OGN: variants seen among roughly 807,000 people sequenced by gnomAD.
OGN encodes the protein mimecan.
A neutral mutation model predicts 30.8 loss-of-function variants in OGN; 19 were observed. That is an observed-to-expected ratio of 0.62 (90% CI 0.43 to 0.90). OGN has a LOEUF of 0.90. Ranked by LOEUF, OGN falls within the 40% of genes least tolerant of loss-of-function variation. The probability of loss-of-function intolerance (pLI) is 0.00; values close to 1 mark genes in which losing one functional copy is unlikely to be tolerated. For synonymous variants in OGN, 126 were observed against 128.3 expected (o/e 0.98, Z 0.12); for missense variants, 283 against 349.7 (o/e 0.81, Z 1.52).
chr9:92,398,954 C>T (rs183329671), intron 3 of OGN, among the ~76,000 whole-genome samples: 67 of 151,668 alleles, frequency 4.4e-4, no homozygotes, highest in African/African-American at 1.4e-3. Context: ...CCCAGCTACT[C>T]GGAGGCTGAA....
In OGN at chr9:92,398,544, G is replaced by GT. The variant is rs1056643997; in HGVS notation, c.268+2547dup. On this transcript the variant is annotated intron_variant, in intron 3 of 6. Transcript: ENST00000375561. ...TATTATAGATATTCTTTTGCACTTT[G>GT]TTTTTTTTTTCCACATAGTGTATCC... 1.6e-3 allele frequency among the ~76,000 whole-genome samples: 239 copies of GT among 146,210 alleles called. 3 individuals carry two copies. The highest frequency in any genetic ancestry group is 0.011 in the Middle Eastern group (3 of 282).
At chr9:92,396,375 TA>T (rs1842890359) in intron 3 of OGN, among the ~76,000 whole-genome samples, 2 of 150,980 alleles carry the variant, frequency 1.3e-5, no homozygotes, top group African/African-American at 4.9e-5. Context: ...GCTTGTTAAT[TA>T]AACAAAAAAA....
rs148427649 is a variant in OGN at position 92,398,343 on chromosome 9, T to C, written c.268+2749A>G. The stretch of plus-strand genomic sequence containing the variant: ...TTCATTTATATACGTATTTGGTTTT[T>C]TGACTATACGAAACAGCATTGTTCT... On this transcript the variant is annotated intron_variant, in intron 3 of 6. Transcript: ENST00000375561. Among the ~76,000 whole-genome samples, 484 of 152,336 alleles carry C rather than the reference T, an allele frequency of 3.2e-3. 3 individuals carry two copies. Among genetic ancestry groups the C allele is most frequent in the Non-Finnish European group, 5.8e-3 (392 of 68,026 alleles).
chr9:92,403,553 A>G, intron 1 of OGN, 71 bp from the exon 2 acceptor site: 3 of 1,358,934 alleles, frequency 2.2e-6, no homozygotes, highest in Non-Finnish European at 9.5e-7. Flanking sequence ...GGGTGTGCGC[A>G]GTAAGGGCCA....
intron 2 of OGN, among the ~76,000 whole-genome samples, chr9:92,402,972 TC>T (rs1279906008): frequency 6.6e-6 from 1 of 152,224 alleles, no homozygotes; most frequent in African/African-American, 2.4e-5. Context: ...TGGTGAGGGA[TC>T]ATCTTAAAGT....
chr9:92,390,423 T>A (rs1024960436), intron 4 of OGN, among the ~76,000 whole-genome samples: 6 of 152,214 alleles, frequency 3.9e-5, no homozygotes, highest in Non-Finnish European at 7.3e-5. Context: ...TAATTTTTTT[T>A]ATTTTTTTGC....
At chr9:92,390,286 G>C (rs1842617563) in intron 4 of OGN, among the ~76,000 whole-genome samples, 1 of 152,116 alleles carries the variant, frequency 6.6e-6, no homozygotes. Context: ...AGGTTTGAAA[G>C]TGATCTTAAA....
intron 5 of OGN, among the ~76,000 whole-genome samples, chr9:92,389,237 G>T (rs1027339680): frequency 6.6e-6 from 1 of 152,168 alleles, no homozygotes; most frequent in African/African-American, 2.4e-5. Flanking sequence ...ACTCCTGTAG[G>T]TCATGCATTT....
chr9:92,389,803 T>C, intron 5 of OGN, 51 bp downstream of exon 5: 1 of 1,216,434 alleles, frequency 8.2e-7, no homozygotes, highest in Non-Finnish European at 1.2e-6. Context: ...TTCTCTTTTA[T>C]CTATCATATC....
At chr9:92,391,124 C>T (rs528582236) in intron 4 of OGN, among the ~76,000 whole-genome samples, 103 of 150,546 alleles carry the variant, frequency 6.8e-4, no homozygotes, top group African/African-American at 2.3e-3. Context: ...AGGCCAGGCG[C>T]GGTGGCTCAC....
intron 5 of OGN, among the ~76,000 whole-genome samples, chr9:92,388,234 T>A (rs1842514967): frequency 6.6e-6 from 1 of 151,362 alleles, no homozygotes; most frequent in African/African-American, 2.4e-5. Context: ...TCTCAGCAGT[T>A]CACTGCAACT....
chr9:92,390,299 T>C (rs1234367102), intron 4 of OGN, among the ~76,000 whole-genome samples: 1 of 152,092 alleles, frequency 6.6e-6, no homozygotes, highest in Non-Finnish European at 1.5e-5. Flanking sequence ...ATCTTAAAGT[T>C]AATCGAGTCT....
At chr9:92,391,155 G>C (rs1842662387) in intron 4 of OGN, among the ~76,000 whole-genome samples, 1 of 151,956 alleles carries the variant, frequency 6.6e-6, no homozygotes, top group Admixed American at 6.6e-5. Flanking sequence ...CCAGCACTTT[G>C]GGAGGCCAAG....
At chr9:92,397,169 C>T (rs1196279746) in intron 3 of OGN, among the ~76,000 whole-genome samples, 2 of 151,858 alleles carry the variant, frequency 1.3e-5, no homozygotes, top group Non-Finnish European at 2.9e-5. Flanking sequence ...AGAGCGAGAC[C>T]CTGTCTAAAA....
Position 92,385,145 on chromosome 9 carries a change from G to A in OGN, c.*475C>T, listed in dbSNP as rs1006877996. On this transcript the variant is annotated 3_prime_UTR_variant, in exon 7 of 7. Coordinates refer to ENST00000375561, the MANE Select transcript of OGN (RefSeq NM_014057.5). ...GGAAAACAAAGTTCTTACTTTATAAGGAATAACGTATGAATCATAAAAGAA... is the reference window on the plus strand; with the variant it reads ...GGAAAACAAAGTTCTTACTTTATAAAGAATAACGTATGAATCATAAAAGAA... 3 of 152,726 alleles carry A rather than the reference G, an allele frequency of 2.0e-5. No individual in the cohort carries two copies. Among genetic ancestry groups the A allele is most frequent in the African/African-American group, 4.8e-5 (2 of 41,418 alleles). The allele number at this position is 152,726 out of a possible 1,614,324, so 9.5% of individuals were successfully genotyped here. A position where few individuals can be genotyped will look rare whatever the true frequency, so the allele number is the denominator to read the frequency against.
At chr9:92,391,713 C>T (rs1588087921) in intron 4 of OGN, among the ~76,000 whole-genome samples, 3 of 152,282 alleles carry the variant, frequency 2.0e-5, no homozygotes, top group South Asian at 4.2e-4. Flanking sequence ...CATTTATTTA[C>T]AGTATGAGAA....
intron 3 of OGN, among the ~76,000 whole-genome samples, chr9:92,399,466 T>C (rs1843021659): frequency 6.6e-6 from 1 of 152,228 alleles, no homozygotes; most frequent in East Asian, 1.9e-4. Context: ...GTGAGCTCTT[T>C]ATCTAGTGAT....
intron 5 of OGN, 128 bp from the exon 6 acceptor site, chr9:92,386,424 A>G: frequency 1.7e-6 from 1 of 605,458 alleles, no homozygotes; most frequent in Admixed American, 2.9e-5. Flanking sequence ...TGAATACATC[A>G]ATTATATCAA....
intron 4 of OGN, among the ~76,000 whole-genome samples, chr9:92,391,416 A>T (rs147887459): frequency 1.8e-3 from 266 of 151,984 alleles, no homozygotes; most frequent in African/African-American, 6.1e-3. Context: ...CAAAAAATAA[A>T]TAAATTAAAT....
Sources: allele counts gnomAD v4.1 joint callset (sites outside exome capture counted in the v4.1 genomes callset), GRCh38; gene constraint gnomAD v4.1.1; transcripts MANE v1.5; gene names NCBI Gene and HGNC (gene_info 2026-07-23, HGNC 2026-07-21).